Variants in NOMO2 observed in about 807,000 individuals in gnomAD.
NOMO2 encodes NODAL modulator 2, also known as BOS complex subunit NOMO2.
Under a neutral mutation model 67.1 loss-of-function variants are expected in NOMO2, and 14 were observed. The observed-to-expected ratio is 0.21, with a 90% CI of 0.14 to 0.33. The LOEUF (loss-of-function observed/expected upper bound fraction) is 0.33. Among genes scored for constraint, NOMO2 ranks in the 10% least tolerant of loss-of-function variants. The probability of loss-of-function intolerance (pLI) is 1.00; values close to 1 mark genes in which losing one functional copy is unlikely to be tolerated. For missense variants in NOMO2, 178 were observed against 761.0 expected, an observed-to-expected ratio of 0.23 and a Z score of 9.01; for synonymous variants, 80 against 305.9, an observed-to-expected ratio of 0.26 and a Z score of 7.71.
chr16:18,545,097 A>AT (rs61049313), intron 6 of NOMO2, among the ~76,000 whole-genome samples: 31,612 of 106,984 alleles, frequency 0.3, 3,837 homozygotes, highest in East Asian at 0.56. Flanking sequence ...TTTCGAATAA[A>AT]TTTTTTTTTT....
intron 6 of NOMO2, among the ~76,000 whole-genome samples, chr16:18,544,762 C>T (rs966497064): frequency 3.3e-5 from 5 of 151,884 alleles, no homozygotes; most frequent in African/African-American, 9.7e-5. Context: ...GTTCTTTTCA[C>T]AATATGTGTA....
chr16:18,558,963 G>C (rs947101490), intron 1 of NOMO2: 4 of 440,490 alleles, frequency 9.1e-6, no homozygotes, highest in African/African-American at 4.0e-5. Context: ...CCTGAGCCCA[G>C]GAGACCAGCC....
chr16:18,528,299 C>T (rs2141716933), intron 15 of NOMO2, among the ~76,000 whole-genome samples: 1 of 150,986 alleles, frequency 6.6e-6, no homozygotes, highest in African/African-American at 2.4e-5. Flanking sequence ...TACAAGAGAG[C>T]TGGAAATCCA....
chr16:18,559,521 G>T (rs1404756134), intron 1 of NOMO2, among the ~76,000 whole-genome samples: 1 of 152,020 alleles, frequency 6.6e-6, no homozygotes, highest in Non-Finnish European at 1.5e-5. Flanking sequence ...GAAAGGACTC[G>T]TGTGAAATAA....
At position 18,520,689 on chromosome 16, in the gene NOMO2, T is replaced by TTTGTA. The variant is rs1469106344; in HGVS notation, c.2274-11_2274-10insTACAA. ...GATTTTCTCTCCAGACCTAAAATAA[T>TTTGTA]TAATATACTTCAGTTTGGCGGGTCC... is the stretch of plus-strand genomic sequence containing the variant. On this transcript the variant is annotated splice_polypyrimidine_tract_variant and intron_variant, in intron 19 of 30. Coordinates refer to ENST00000622306, the MANE Select transcript of NOMO2 (RefSeq NM_173614.4). 2 of 1,600,916 alleles carry TTTGTA rather than the reference T, an allele frequency of 1.2e-6. No homozygotes were observed. The highest frequency in any genetic ancestry group is 1.7e-6 in the Non-Finnish European group (2 of 1,172,962).
At position 18,534,407 on chromosome 16, in the gene NOMO2, T is replaced by C. The variant is rs534967067; in HGVS notation, c.1221-1228A>G. 1.2e-4 allele frequency among the ~76,000 whole-genome samples: 18 copies of C among 147,712 alleles called. No homozygotes were observed. In the East Asian group the frequency reaches 3.1e-3, roughly 25 times the overall value. On this transcript the variant is annotated intron_variant, in intron 11 of 30. Transcript: ENST00000622306. ...AAATTACATGAAATGCAAACTGTGG[T>C]GTCCAAAAATGTAGTTGTGTTGCGC...
intron 11 of NOMO2, among the ~76,000 whole-genome samples, chr16:18,536,926 C>T (rs1172754324): frequency 6.6e-6 from 1 of 151,990 alleles, no homozygotes; most frequent in Non-Finnish European, 1.5e-5. Flanking sequence ...AGTGATCAAG[C>T]CAGGGGACTG....
chr16:18,550,631 C>T (rs976703637), intron 4 of NOMO2, among the ~76,000 whole-genome samples: 6 of 152,036 alleles, frequency 3.9e-5, no homozygotes, highest in Non-Finnish European at 7.4e-5. Flanking sequence ...GAATCTGAAT[C>T]GCGGGAGCTG....
chr16:18,551,641 GT>G (rs1239363910), intron 3 of NOMO2, 102 bp from the exon 4 acceptor site: 1 of 302,022 alleles, frequency 3.3e-6, no homozygotes, highest in East Asian at 5.5e-5. Flanking sequence ...TATTATTCAG[GT>G]TTCATTTTAC....
intron 6 of NOMO2, among the ~76,000 whole-genome samples, chr16:18,545,326 G>A (rs868542328): frequency 7.3e-5 from 11 of 150,862 alleles, no homozygotes; most frequent in African/African-American, 2.7e-4. Flanking sequence ...TCGAACTCCT[G>A]ACCTCAAGTG....
chr16:18,534,361 A>T, intron 11 of NOMO2, among the ~76,000 whole-genome samples: 1 of 150,890 alleles, frequency 6.6e-6, no homozygotes. Flanking sequence ...AATCAAAAGA[A>T]AGATAATATT....
intron 9 of NOMO2, among the ~76,000 whole-genome samples, chr16:18,540,459 A>C (rs1166522608): frequency 6.6e-6 from 1 of 151,240 alleles, no homozygotes; most frequent in Non-Finnish European, 1.5e-5. Context: ...AATTCCATTC[A>C]TCATTTTCAA....
At chr16:18,558,792 G>A (rs1364183772) in intron 1 of NOMO2, 13 of 454,604 alleles carry the variant, frequency 2.9e-5, no homozygotes, top group Non-Finnish European at 4.9e-5. Context: ...TTCAGGTGTA[G>A]ACACAGAGCC....
chr16:18,550,749 C>T (rs71238318), intron 4 of NOMO2, among the ~76,000 whole-genome samples: 57 of 152,100 alleles, frequency 3.7e-4, no homozygotes, highest in South Asian at 1.2e-3. Context: ...AGCAGATGCA[C>T]GCTCTCTCTG....
At chr16:18,533,641 C>T (rs1487542643) in intron 11 of NOMO2, 32 of 163,876 alleles carry the variant, frequency 2.0e-4, no homozygotes, top group African/African-American at 6.2e-4. Flanking sequence ...TTATCAAAGA[C>T]GTCTTCCTTG....
chr16:18,534,192 C>T (rs958269883), intron 11 of NOMO2, among the ~76,000 whole-genome samples: 1 of 151,686 alleles, frequency 6.6e-6, no homozygotes, highest in African/African-American at 2.4e-5. Flanking sequence ...AAAACACAGC[C>T]ATTTCTTCAG....
At chr16:18,534,341 A>T (rs1226968842) in intron 11 of NOMO2, among the ~76,000 whole-genome samples, 3 of 147,690 alleles carry the variant, frequency 2.0e-5, no homozygotes, top group Non-Finnish European at 3.0e-5. Flanking sequence ...GGTTAAAGTT[A>T]AAAAAAAAAA....
At chr16:18,526,420 C>T (rs1410706769) in intron 16 of NOMO2, among the ~76,000 whole-genome samples, 1 of 151,934 alleles carries the variant, frequency 6.6e-6, no homozygotes, top group South Asian at 2.1e-4. Context: ...TCCTAGGTAT[C>T]GAAACAAGAA....
chr16:18,543,247 T>C (rs1901588578), intron 7 of NOMO2, among the ~76,000 whole-genome samples: 1 of 148,192 alleles, frequency 6.7e-6, no homozygotes, highest in Non-Finnish European at 1.5e-5. Context: ...GGCGTGATCT[T>C]GGCTCACTGC....
Sources: gnomAD v4.1 joint callset for allele counts (sites outside exome capture counted in the v4.1 genomes callset) on GRCh38, gnomAD v4.1.1 for gene constraint, MANE v1.5 for transcripts, NCBI Gene and HGNC (gene_info 2026-07-23, HGNC 2026-07-21) for gene names.